COG2: variants seen among roughly 807,000 people sequenced by gnomAD.
COG2 encodes conserved oligomeric Golgi complex subunit 2.
COG2 carries 52 observed loss-of-function variants against 90.6 expected under a neutral mutation model. That is an observed-to-expected ratio of 0.57 (90% CI 0.46 to 0.72). The LOEUF is 0.72. Among genes scored for constraint, COG2 ranks in the 30% least tolerant of loss-of-function variants. The pLI is 0.00. For missense variants in COG2, 829 were observed against 891.2 expected (o/e 0.93, Z 0.89); for synonymous variants, 337 against 320.4 (o/e 1.05, Z -0.55).
intron 3 of COG2, among the ~76,000 whole-genome samples, chr1:230,661,893 G>A (rs1662188240): frequency 6.6e-6 from 1 of 152,044 alleles, no homozygotes; most frequent in African/African-American, 2.4e-5. Flanking sequence ...TCCACTGTTG[G>A]ATTCCACACT....
chr1:230,671,491 T>A (rs1416150539), intron 7 of COG2, 25 bp from the exon 8 acceptor site: 2 of 1,592,436 alleles, frequency 1.3e-6, no homozygotes, highest in African/African-American at 1.4e-5. Flanking sequence ...AATGCTTTTT[T>A]AAAAAATGAT....
At position 230,660,810 on chromosome 1, in the gene COG2, G is replaced by A. The variant is rs1184733760; in HGVS notation, c.287G>A (p.Arg96Gln). Residue 96 changes from arginine to glutamine, a missense_variant, in exon 3 of 18, where the codon CGA (arginine) becomes CAA (glutamine). By Grantham distance (43) the Arg-to-Gln change is conservative (BLOSUM62 1). Transcript: ENST00000366669. ...CTTTCTGTGCCTTTGGGACAATTACGAGAAGAGGTTCTGGTAAGTTTCCCG... is the reference window on the plus strand; with the variant it reads ...CTTTCTGTGCCTTTGGGACAATTACAAGAAGAGGTTCTGGTAAGTTTCCCG... ...NQLSVPLGQLREEVLSLRSSV... is the reference protein window; with the variant it reads ...NQLSVPLGQLQEEVLSLRSSV... 3.2e-6 allele frequency: 5 copies of A among 1,586,010 alleles called. No homozygotes were observed. Among genetic ancestry groups the A allele is most frequent in the Admixed American group, 1.8e-5 (1 of 55,030 alleles).
chr1:230,663,426 G>A (rs933108593), intron 4 of COG2, among the ~76,000 whole-genome samples: 1 of 151,924 alleles, frequency 6.6e-6, no homozygotes, highest in African/African-American at 2.4e-5. Flanking sequence ...TTTTTCTTTT[G>A]ATAACTTTAG....
intron 9 of COG2, chr1:230,678,219 A>G: frequency 2.0e-6 from 2 of 985,432 alleles, no homozygotes; most frequent in South Asian, 4.7e-5. Flanking sequence ...ACTGACTAGC[A>G]TTCTGCTTCC....
chr1:230,678,650 TA>T (rs1162455203), intron 9 of COG2: 23 of 1,390,048 alleles, frequency 1.7e-5, no homozygotes, highest in Non-Finnish European at 2.0e-5. Flanking sequence ...CACTGCCATT[TA>T]AAGAGCACCA....
In COG2 at chr1:230,683,906, C is replaced by T. The variant is rs193237906; in HGVS notation, c.1228+271C>T. On this transcript the variant is annotated intron_variant, in intron 11 of 17. Transcript: ENST00000366669. The stretch of plus-strand genomic sequence containing the variant: ...TCCCAGGTTCAAGCTATTCTCCTGG[C>T]TTAGCCTCGAAAGTAGCTGGGATTA... Among the ~76,000 whole-genome samples the T allele has an allele frequency of 1.9e-4, 29 of 152,088 alleles. No individual in the cohort carries two copies. The East Asian group carries it at 4.3e-3, about 22-fold the overall frequency.
At chr1:230,683,455 C>A in intron 10 of COG2, 119 bp from the exon 11 acceptor site, 3 of 643,044 alleles carry the variant, frequency 4.7e-6, no homozygotes, top group Non-Finnish European at 8.1e-6. Flanking sequence ...CATTCCGAGG[C>A]TGGACTTACC....
intron 1 of COG2, among the ~76,000 whole-genome samples, chr1:230,655,831 G>A (rs1193408973): frequency 1.3e-5 from 2 of 152,214 alleles, no homozygotes; most frequent in Admixed American, 6.5e-5. Context: ...CCTTGGGAGG[G>A]TGTATGTGTC....
In COG2 at chr1:230,675,007, C is replaced by G. The variant is rs1377120057; in HGVS notation, c.909C>G (p.Gly303=). 1 of 1,608,388 alleles carries G rather than the reference C, an allele frequency of 6.2e-7. No individual in the cohort carries two copies. Among genetic ancestry groups the G allele is most frequent in the Non-Finnish European group, 8.5e-7 (1 of 1,177,310 alleles). Residue 303 remains glycine (G), a synonymous_variant, in exon 9 of 18, where the codon GGC becomes GGG. Transcript: ENST00000366669. ...VTGGAISSEK[G]NTVPGYDFLV... is the part of the protein sequence containing the mutation. ...TGCCCTTATTTTACAGTGAAAAAGG[C>G]AATACTGTTCCTGGATATGACTTTT...
intron 8 of COG2, among the ~76,000 whole-genome samples, chr1:230,673,009 G>C (rs1166761610): frequency 6.6e-6 from 1 of 152,084 alleles, no homozygotes; most frequent in Non-Finnish European, 1.5e-5. Context: ...TACCCTCTCT[G>C]TTTCCTCTGT....
chr1:230,647,005 A>T (rs1050990591), intron 1 of COG2, among the ~76,000 whole-genome samples: 3 of 151,432 alleles, frequency 2.0e-5, no homozygotes, highest in African/African-American at 7.3e-5. Context: ...CCTGGCATCC[A>T]TTCTTGCCTT....
intron 10 of COG2, chr1:230,679,635 A>G (rs1408286188): frequency 2.6e-5 from 4 of 152,258 alleles, no homozygotes; most frequent in Non-Finnish European, 5.9e-5. Flanking sequence ...TTTCATGATG[A>G]TATCACCTTT....
chr1:230,657,221 G>A (rs1455637725), intron 1 of COG2, among the ~76,000 whole-genome samples: 1 of 152,014 alleles, frequency 6.6e-6, no homozygotes, highest in South Asian at 2.1e-4. Flanking sequence ...TCCTTTCTAC[G>A]TTTAGTGCTT....
At chr1:230,691,236 GAAACTT>G in intron 16 of COG2, 142 bp from the exon 17 acceptor site, 1 of 573,970 alleles carries the variant, frequency 1.7e-6, no homozygotes, top group Non-Finnish European at 3.0e-6. Flanking sequence ...ATGATCTTAA[GAAACTT>G]AAATACTTAC....
chr1:230,667,394 G>C (rs557308656), intron 5 of COG2, among the ~76,000 whole-genome samples: 2 of 150,400 alleles, frequency 1.3e-5, no homozygotes, highest in East Asian at 3.9e-4. Context: ...TGTTTCTAGA[G>C]ATACTCTTAT....
intron 8 of COG2, 48 bp downstream of exon 8, chr1:230,671,688 G>T: frequency 6.3e-7 from 1 of 1,585,546 alleles, no homozygotes; most frequent in Middle Eastern, 1.7e-4. Context: ...TTCAGTGACC[G>T]CACCTGCTAA....
At chr1:230,673,478 A>T (rs1397364885) in intron 8 of COG2, among the ~76,000 whole-genome samples, 1 of 152,228 alleles carries the variant, frequency 6.6e-6, no homozygotes, top group African/African-American at 2.4e-5. Flanking sequence ...TCCAGAGAAT[A>T]CAGATGAGCT....
At chr1:230,684,640 T>C (rs922371765) in intron 11 of COG2, among the ~76,000 whole-genome samples, 2 of 152,208 alleles carry the variant, frequency 1.3e-5, no homozygotes, top group Non-Finnish European at 2.9e-5. Flanking sequence ...TTCATCTGTC[T>C]TTGCCAAAAA....
At chr1:230,671,721 G>GACTGTCTTGTATGA (rs1662454622) in intron 8 of COG2, 81 bp downstream of exon 8, 2 of 1,326,506 alleles carry the variant, frequency 1.5e-6, no homozygotes, top group Non-Finnish European at 2.1e-6. Flanking sequence ...GATGGACGAT[G>GACTGTCTTGTATGA]ACTGTCTTGT....
Sources: allele counts gnomAD v4.1 joint callset (sites outside exome capture counted in the v4.1 genomes callset), GRCh38; gene constraint gnomAD v4.1.1; transcripts MANE v1.5; gene names NCBI Gene and HGNC (gene_info 2026-07-23, HGNC 2026-07-21).